The following MEST variants were observed in gnomAD, a reference collection of about 807,000 sequenced individuals.
The protein encoded by MEST is mesoderm-specific transcript homolog protein.
Under a neutral mutation model 50.9 loss-of-function variants are expected in MEST, and 18 were observed. That is an observed-to-expected ratio of 0.35 (90% CI 0.24 to 0.52). The LOEUF is 0.52. MEST is among the 20% of genes least tolerant of loss of function. The pLI, the probability that MEST is intolerant of heterozygous loss-of-function variation, is 0.94. For synonymous variants in MEST, 130 were observed against 154.1 expected (o/e 0.84, Z 1.16); for missense variants, 282 against 425.3 (o/e 0.66, Z 2.96).
At position 130,492,201 on chromosome 7, in the gene MEST, G is replaced by C; in HGVS notation, c.-113G>C. ...TGCCCGGCGCGGCGCCGCCCTGCGC[G>C]GGCTGTGGGCTGCGGGCTGCGCCCC... On this transcript the variant is annotated 5_prime_UTR_variant, in exon 1 of 12. Coordinates refer to ENST00000223215, the MANE Select transcript of MEST (RefSeq NM_002402.4). The surrounding 1 kb of genome is among the most constrained non-coding windows in gnomAD (Gnocchi z 7.6). 1 of 914,666 alleles carries C rather than the reference G, an allele frequency of 1.1e-6. No individual in the cohort carries two copies. Among genetic ancestry groups the C allele is most frequent in the African/African-American group, 1.7e-5 (1 of 57,260 alleles). The allele number at this position is 914,666 out of a possible 1,614,324, so 56.7% of individuals were successfully genotyped here. A position where few individuals can be genotyped will look rare whatever the true frequency, so the allele number is the denominator to read the frequency against.
intron 11 of MEST, among the ~76,000 whole-genome samples, chr7:130,504,395 A>G (rs1207920625): frequency 6.6e-6 from 1 of 152,196 alleles, no homozygotes; most frequent in Non-Finnish European, 1.5e-5. Flanking sequence ...CATTGTGGAA[A>G]AGTGCCTTCT....
At position 130,505,690 on chromosome 7, in the gene MEST, T is replaced by G. The variant is rs1554439739; in HGVS notation, c.*634T>G. 1 of 152,232 alleles carries G rather than the reference T, an allele frequency of 6.6e-6. No individual in the cohort carries two copies. Among genetic ancestry groups the G allele is most frequent in the African/African-American group, 2.4e-5 (1 of 41,456 alleles). The allele number at this position is 152,232 out of a possible 1,614,324, so 9.4% of individuals were successfully genotyped here. ...TTACCTATACATTATATATATTTTA[T>G]AAAGATACTAAACCAGCATACCCTT... On this transcript the variant is annotated 3_prime_UTR_variant, in exon 12 of 12. Coordinates refer to ENST00000223215, the MANE Select transcript of MEST (RefSeq NM_002402.4).
chr7:130,488,383 T>C (rs1239524815), upstream of MEST: 2 of 152,266 alleles, frequency 1.3e-5, no homozygotes, highest in Non-Finnish European at 2.9e-5. Flanking sequence ...AAATGTCTAA[T>C]GCTGCTTCCA....
rs1798859024 is a variant in MEST, at chr7:130,492,379, C to T, written c.26+40C>T. ...GGAACGAGGGGGTGTGGCTGGCGGC[C>T]CTGGGACTAGGGCGCAGGCGAGCGG... On this transcript the variant is annotated intron_variant, in intron 1 of 11. Coordinates refer to ENST00000223215, the MANE Select transcript of MEST (RefSeq NM_002402.4). The surrounding 1 kb of genome is among the most constrained non-coding windows in gnomAD (Gnocchi z 7.6). 3.1e-6 allele frequency: 4 copies of T among 1,282,770 alleles called. No homozygotes were observed. The highest frequency in any genetic ancestry group is 1.5e-5 in the African/African-American group (1 of 65,322). 79.5% of individuals were successfully genotyped at this position (1,282,770 alleles called of 1,614,324 possible).
At chr7:130,498,333 T>C (rs1799147610) in intron 5 of MEST, 58 bp downstream of exon 5, 2 of 1,611,520 alleles carry the variant, frequency 1.2e-6, no homozygotes, top group Middle Eastern at 1.7e-4. Context: ...GTTTCTGGAC[T>C]GTTTGTATCC....
intron 1 of MEST, chr7:130,494,880 C>T (rs1321084700): frequency 1.0e-6 from 1 of 969,626 alleles, no homozygotes; most frequent in African/African-American, 1.8e-5. Context: ...CTCTTTAAAA[C>T]ATGAGATATA....
intron 9 of MEST, chr7:130,501,108 A>G (rs782255193): frequency 7.9e-5 from 34 of 428,090 alleles, no homozygotes; most frequent in Non-Finnish European, 1.3e-4. Context: ...GTATTGAATC[A>G]TGGTTGTGAA....
Position 130,497,281 on chromosome 7 carries a change from C to T in MEST, c.261+46C>T, listed in dbSNP as rs200627144. 493 of 1,526,854 alleles carry T rather than the reference C, an allele frequency of 3.2e-4. 4 individuals carry two copies. The highest frequency in any genetic ancestry group is 2.1e-3 in the East Asian group (91 of 43,072). 94.6% of individuals were successfully genotyped at this position (1,526,854 alleles called of 1,614,324 possible). Reference sequence around the variant, plus strand: ...CGTCCTACTATGTCTTAAAAAATCTCGGCCGGGCGCGGGGGCTCAAATCCT... The same window carrying T: ...CGTCCTACTATGTCTTAAAAAATCTTGGCCGGGCGCGGGGGCTCAAATCCT... On this transcript the variant is annotated intron_variant, in intron 3 of 11. Coordinates refer to ENST00000223215, the MANE Select transcript of MEST (RefSeq NM_002402.4). The surrounding 1 kb of genome is among the most constrained non-coding windows in gnomAD (Gnocchi z 4.0).
At chr7:130,489,481 A>G (rs117283518), upstream of MEST, 1 of 152,388 alleles carries the variant, frequency 6.6e-6, no homozygotes, top group East Asian at 1.9e-4. Context: ...CCTTTCTGGA[A>G]GTAAATCAGG....
upstream of MEST, chr7:130,487,974 C>A (rs915591897): frequency 2.8e-4 from 43 of 152,122 alleles, no homozygotes; most frequent in African/African-American, 1.0e-3. Flanking sequence ...AGAGCGGGCT[C>A]GATGTGATTT....
At chr7:130,489,318 G>A (rs1798716032), upstream of MEST, 1 of 152,198 alleles carries the variant, frequency 6.6e-6, no homozygotes, top group Non-Finnish European at 1.5e-5. Context: ...GAGATATCCT[G>A]CACAGTCCAG....
intron 6 of MEST, 119 bp downstream of exon 6, chr7:130,498,596 T>A: frequency 1.1e-6 from 1 of 910,290 alleles, no homozygotes; most frequent in South Asian, 1.5e-5. Flanking sequence ...AACTATGGGA[T>A]CTCTACCTCT....
intron 10 of MEST, among the ~76,000 whole-genome samples, chr7:130,503,331 G>C (rs1799346666): frequency 6.6e-6 from 1 of 152,212 alleles, no homozygotes; most frequent in Non-Finnish European, 1.5e-5. Context: ...TGGACTTAGA[G>C]GATGTTGAAA....
Position 130,497,117 on chromosome 7 carries a change from G to T in MEST, c.182-39G>T. 2.0e-6 allele frequency: 3 copies of T among 1,525,940 alleles called. No homozygotes were observed. Among genetic ancestry groups the T allele is most frequent in the South Asian group, 2.4e-5 (2 of 84,986 alleles). The allele number at this position is 1,525,940 out of a possible 1,614,324, so 94.5% of individuals were successfully genotyped here. On this transcript the variant is annotated intron_variant, in intron 2 of 11. Coordinates refer to ENST00000223215, the MANE Select transcript of MEST (RefSeq NM_002402.4). The surrounding 1 kb of genome is among the most constrained non-coding windows in gnomAD (Gnocchi z 4.0). ...TAACATCTTCGAGGTTATTTTTATA[G>T]GGATTTGGCATAATTGATTGTACTT...
chr7:130,496,387 T>G (rs1799062520), intron 2 of MEST: 1 of 330,198 alleles, frequency 3.0e-6, no homozygotes, highest in Admixed American at 5.0e-5. Context: ...AGAACAAAAC[T>G]CTTAGGCTAA....
rs782151506 is a variant in MEST at position 130,497,898 on chromosome 7, A to G, written c.262-38A>G. ...TGTAGGTCTGGTGAAAGGGAGGGGCAGGAGCAGAAAGCCCAAATCATCGTT... is the reference window on the plus strand; with the variant it reads ...TGTAGGTCTGGTGAAAGGGAGGGGCGGGAGCAGAAAGCCCAAATCATCGTT... On this transcript the variant is annotated intron_variant, in intron 3 of 11. Transcript: ENST00000223215. The surrounding 1 kb of genome is among the most constrained non-coding windows in gnomAD (Gnocchi z 4.0). The G allele has an allele frequency of 1.8e-5, 29 of 1,593,054 alleles. No individual in the cohort carries two copies. Among genetic ancestry groups the G allele is most frequent in the Non-Finnish European group, 2.5e-5 (29 of 1,160,738 alleles).
chr7:130,498,768 A>C (rs546901336), intron 6 of MEST: 1 of 498,756 alleles, frequency 2.0e-6, no homozygotes, highest in African/African-American at 1.9e-5. Context: ...AATGCATTAG[A>C]TAGCAAGTTC....
chr7:130,496,282 G>A (rs1397941276), intron 2 of MEST: 10 of 418,372 alleles, frequency 2.4e-5, no homozygotes, highest in Non-Finnish European at 4.2e-5. Context: ...TAATGTTGAA[G>A]TAAAAGCTTC....
Position 130,503,965 on chromosome 7 carries a change from A to C in MEST, c.859A>C (p.Asn287His). The C allele has an allele frequency of 6.2e-7, 1 of 1,613,550 alleles. No homozygotes were observed. ...HFIYGPLDPV[N>H]PYPEFLELYR... ...TATCTATGGGCCATTGGATCCTGTA[A>C]ATCCCTATCCAGAGTTTTTGGAGCT... Residue 287 changes from asparagine (N) to histidine (H), a missense_variant, in exon 11 of 12, where the codon AAT becomes CAT. Coordinates refer to ENST00000223215, the MANE Select transcript of MEST (RefSeq NM_002402.4).
Sources: gnomAD v4.1 joint callset for allele counts (sites outside exome capture counted in the v4.1 genomes callset) on GRCh38, gnomAD v4.1.1 for gene constraint, Gnocchi (gnomAD v3.1) non-coding constraint, MANE v1.5 for transcripts, NCBI Gene and HGNC (gene_info 2026-07-23, HGNC 2026-07-21) for gene names.